The following ULK4 variants were observed in gnomAD, a reference collection of about 807,000 sequenced individuals.
ULK4 encodes the protein unc-51 like kinase 4, also known as inactive serine/threonine-protein kinase ULK4.
Under a neutral mutation model 160.6 loss-of-function variants are expected in ULK4, and 133 were observed. The ratio of observed to expected loss-of-function variants is 0.83; its 90% CI spans 0.72 to 0.96. The LOEUF (loss-of-function observed/expected upper bound fraction) is 0.96, where lower values mean the gene tolerates loss of function less well. Among genes scored for constraint, ULK4 ranks in the 40% least tolerant of loss-of-function variants. The pLI is 0.00. For missense variants in ULK4, 1,580 were observed against 1,499.5 expected (o/e 1.05, Z -0.89); for synonymous variants, 534 against 539.8 (o/e 0.99, Z 0.15).
intron 31 of ULK4, among the ~76,000 whole-genome samples, chr3:41,573,332 G>C (rs1208934208): frequency 7.2e-6 from 1 of 138,752 alleles, no homozygotes; most frequent in African/African-American, 2.9e-5. Context: ...GGAAACACTC[G>C]TGAAAAATGA....
intron 12 of ULK4, among the ~76,000 whole-genome samples, chr3:41,901,941 T>A (rs922877620): frequency 2.0e-5 from 3 of 152,080 alleles, no homozygotes; most frequent in African/African-American, 7.2e-5. Context: ...CTAGTTAGAG[T>A]TGATACATAA....
chr3:41,841,254 T>C (rs1196493354), intron 17 of ULK4, among the ~76,000 whole-genome samples: 2 of 120,102 alleles, frequency 1.7e-5, no homozygotes, highest in Non-Finnish European at 3.4e-5. Context: ...ATCTGGGAGG[T>C]GGGGAGCGCC....
chr3:41,535,913 TCA>T (rs1438443006), intron 32 of ULK4, among the ~76,000 whole-genome samples: 1 of 152,130 alleles, frequency 6.6e-6, no homozygotes, highest in Non-Finnish European at 1.5e-5. Context: ...CCCACCAGAT[TCA>T]CAGTCTGAAC....
At chr3:41,704,840 T>C (rs950982151) in intron 27 of ULK4, among the ~76,000 whole-genome samples, 2 of 151,908 alleles carry the variant, frequency 1.3e-5, no homozygotes, top group Non-Finnish European at 2.9e-5. Context: ...GGGATAGGTG[T>C]GGACCAGGAA....
intron 35 of ULK4, among the ~76,000 whole-genome samples, chr3:41,289,424 A>G (rs2079517815): frequency 6.6e-6 from 1 of 152,208 alleles, no homozygotes; most frequent in African/African-American, 2.4e-5. Context: ...GCCACTGACA[A>G]TGATGATGAA....
chr3:41,611,753 T>A (rs997213311), intron 31 of ULK4, among the ~76,000 whole-genome samples: 5 of 152,152 alleles, frequency 3.3e-5, no homozygotes, highest in African/African-American at 1.2e-4. Context: ...CGTTCTAGAC[T>A]TTTTTTGTTT....
chr3:41,698,299 T>TC, intron 27 of ULK4, among the ~76,000 whole-genome samples: 1 of 152,172 alleles, frequency 6.6e-6, no homozygotes, highest in Non-Finnish European at 1.5e-5. Flanking sequence ...AACTTTTTTT[T>TC]CTCTTTTTTA....
At chr3:41,694,384 T>C (rs1374585770) in intron 27 of ULK4, among the ~76,000 whole-genome samples, 3 of 152,056 alleles carry the variant, frequency 2.0e-5, no homozygotes, top group Admixed American at 6.6e-5. Flanking sequence ...GAGGGAGGTA[T>C]AGAAAGCTAT....
chr3:41,335,841 T>C (rs541056436), intron 35 of ULK4, among the ~76,000 whole-genome samples: 2 of 152,160 alleles, frequency 1.3e-5, no homozygotes, highest in African/African-American at 4.8e-5. Context: ...TAAGGGAATA[T>C]GTAAAGGTGG....
chr3:41,369,486 C>T (rs909516403), intron 35 of ULK4, among the ~76,000 whole-genome samples: 37 of 114,252 alleles, frequency 3.2e-4, no homozygotes, highest in African/African-American at 1.7e-3. Flanking sequence ...TGGAGTGAGA[C>T]CCTGTCTTTA....
At chr3:41,863,609 G>T (rs1175772090) in intron 17 of ULK4, among the ~76,000 whole-genome samples, 1 of 151,980 alleles carries the variant, frequency 6.6e-6, no homozygotes, top group African/African-American at 2.4e-5. Flanking sequence ...AATGTAATAT[G>T]GGGGTATCAC....
chr3:41,900,506 G>A (rs1169614419), intron 13 of ULK4, among the ~76,000 whole-genome samples: 9 of 152,208 alleles, frequency 5.9e-5, no homozygotes, highest in Non-Finnish European at 1.2e-4. Flanking sequence ...AAACAGAGGG[G>A]AGAAAACTTA....
At chr3:41,658,761 A>G (rs1442380953) in intron 30 of ULK4, among the ~76,000 whole-genome samples, 2 of 152,024 alleles carry the variant, frequency 1.3e-5, no homozygotes, top group African/African-American at 2.4e-5. Context: ...ACACACACAT[A>G]TATACTGGCA....
intron 27 of ULK4, among the ~76,000 whole-genome samples, 178 bp from the exon 28 acceptor site, chr3:41,681,982 A>T (rs547952489): frequency 6.6e-6 from 1 of 152,232 alleles, no homozygotes. Flanking sequence ...AGCTCATTTA[A>T]ATCTAAAAAA....
chr3:41,891,829 C>G lies in ULK4; in HGVS notation c.1577+3689G>C, dbSNP rs1032333679. 2.6e-5 allele frequency among the ~76,000 whole-genome samples: 4 copies of G among 152,080 alleles called. No individual in the cohort carries two copies. In the South Asian group the frequency reaches 8.3e-4, roughly 32 times the overall value. On this transcript the variant is annotated intron_variant, in intron 16 of 36. Transcript: ENST00000301831. ...CTGAAGCAGAAGAATCACTTGAACCCGGGAGGCAGAGGTTGCAGTGAGCTG... is the reference window on the plus strand; with the variant it reads ...CTGAAGCAGAAGAATCACTTGAACCGGGGAGGCAGAGGTTGCAGTGAGCTG...
At chr3:41,769,737 A>C (rs2039289496) in intron 21 of ULK4, among the ~76,000 whole-genome samples, 1 of 152,228 alleles carries the variant, frequency 6.6e-6, no homozygotes, top group South Asian at 2.1e-4. Flanking sequence ...TTTCACTATC[A>C]AAATTAAGCA....
At chr3:41,831,532 T>TATA (rs577123829) in intron 18 of ULK4, among the ~76,000 whole-genome samples, 11 of 125,894 alleles carry the variant, frequency 8.7e-5, no homozygotes, top group African/African-American at 5.0e-4. Context: ...TATATATATA[T>TATA]TTTTTTTTCT....
At chr3:41,343,439 G>A (rs2125753175) in intron 35 of ULK4, among the ~76,000 whole-genome samples, 1 of 151,582 alleles carries the variant, frequency 6.6e-6, no homozygotes, top group South Asian at 2.1e-4. Context: ...TGGGTAGCTG[G>A]GATTATAGGC....
chr3:41,697,270 G>A (rs1026201251), intron 27 of ULK4, among the ~76,000 whole-genome samples: 11 of 152,028 alleles, frequency 7.2e-5, no homozygotes, highest in South Asian at 4.1e-4. Flanking sequence ...GTACGATGAC[G>A]GTCCCTTAAG....
Sources: gnomAD v4.1 joint callset for allele counts (sites outside exome capture counted in the v4.1 genomes callset) on GRCh38, gnomAD v4.1.1 for gene constraint, MANE v1.5 for transcripts, NCBI Gene and HGNC (gene_info 2026-07-23, HGNC 2026-07-21) for gene names.